Variants in SLC38A6 observed in about 807,000 individuals in gnomAD.
The protein encoded by SLC38A6 is solute carrier family 38 member 6, also known as N system amino acid transporter NAT-1.
A neutral mutation model predicts 65.0 loss-of-function variants in SLC38A6; 73 were observed. The observed-to-expected ratio is 1.12, with a 90% CI of 0.93 to 1.37. SLC38A6 has a LOEUF of 1.37. Ranked by LOEUF, SLC38A6 falls within the 40% of genes most tolerant of loss-of-function variation. The probability of loss-of-function intolerance (pLI) is 0.00; values close to 1 mark genes in which losing one functional copy is unlikely to be tolerated. For synonymous variants in SLC38A6, 183 were observed against 178.8 expected, an observed-to-expected ratio of 1.02 and a Z score of -0.19; for missense variants, 561 against 531.1, an observed-to-expected ratio of 1.06 and a Z score of -0.55.
At position 60,988,624 on chromosome 14, in the gene SLC38A6, T is replaced by G. The variant is rs539760245; in HGVS notation, c.310+3821T>G. Among the ~76,000 whole-genome samples the G allele has an allele frequency of 9.9e-4, 151 of 152,312 alleles. 2 individuals carry two copies. Among genetic ancestry groups the G allele is most frequent in the Non-Finnish European group, 1.7e-3 (113 of 68,034 alleles). On this transcript the variant is annotated intron_variant, in intron 3 of 15. Transcript: ENST00000267488. Reference sequence around the variant, plus strand: ...CCATCTGCCACCACCATCTCCTTTGTTTCTAACTCACCCTCTCAAGTACTT... The same window carrying G: ...CCATCTGCCACCACCATCTCCTTTGGTTCTAACTCACCCTCTCAAGTACTT...
intron 3 of SLC38A6, among the ~76,000 whole-genome samples, chr14:61,013,029 G>T (rs542088587): frequency 6.6e-6 from 1 of 152,142 alleles, no homozygotes; most frequent in African/African-American, 2.4e-5. Context: ...AAGTCTCTTT[G>T]TAGGTCTCTA....
intron 3 of SLC38A6, among the ~76,000 whole-genome samples, chr14:60,991,554 T>G (rs1336746533): frequency 2.0e-5 from 3 of 152,118 alleles, no homozygotes; most frequent in Non-Finnish European, 4.4e-5. Flanking sequence ...GGCTCTAAAA[T>G]TGTGCTCACT....
intron 5 of SLC38A6, among the ~76,000 whole-genome samples, chr14:61,026,106 T>TTAC (rs2040596322): frequency 2.0e-5 from 3 of 152,198 alleles, no homozygotes; most frequent in African/African-American, 4.8e-5. Flanking sequence ...CTTCATAAAC[T>TTAC]GTAATGATGT....
intron 15 of SLC38A6, among the ~76,000 whole-genome samples, chr14:61,065,508 A>G (rs1187660876): frequency 6.6e-6 from 1 of 152,202 alleles, no homozygotes; most frequent in Non-Finnish European, 1.5e-5. Flanking sequence ...ATTTACCTAC[A>G]TATAAAGCAT....
intron 5 of SLC38A6, among the ~76,000 whole-genome samples, chr14:61,028,580 A>G (rs1335923071): frequency 6.6e-6 from 1 of 152,180 alleles, no homozygotes; most frequent in Non-Finnish European, 1.5e-5. Flanking sequence ...GAGAATATGA[A>G]CAATACAGAA....
chr14:61,026,378 T>C (rs2040614048), intron 5 of SLC38A6, among the ~76,000 whole-genome samples: 1 of 152,004 alleles, frequency 6.6e-6, no homozygotes, highest in African/African-American at 2.4e-5. Context: ...TGCAATAGAA[T>C]CTCATCATGA....
intron 3 of SLC38A6, among the ~76,000 whole-genome samples, chr14:60,997,633 TA>T (rs1483052223): frequency 6.6e-6 from 1 of 152,120 alleles, no homozygotes; most frequent in African/African-American, 2.4e-5. Context: ...GCCGGGCTGT[TA>T]AAAAAGTCAG....
At chr14:61,067,574 A>T (rs1406009403) in intron 15 of SLC38A6, among the ~76,000 whole-genome samples, 1 of 152,206 alleles carries the variant, frequency 6.6e-6, no homozygotes, top group Non-Finnish European at 1.5e-5. Context: ...CAATGACATT[A>T]CACTTTTGGC....
At chr14:60,987,093 G>C in intron 3 of SLC38A6, 1 of 402,346 alleles carries the variant, frequency 2.5e-6, no homozygotes, top group Non-Finnish European at 4.9e-6. Flanking sequence ...GGTTCTGCCT[G>C]CACATTGACT....
chr14:60,989,511 G>A (rs1453627643), intron 3 of SLC38A6, among the ~76,000 whole-genome samples: 2 of 152,092 alleles, frequency 1.3e-5, no homozygotes, highest in Non-Finnish European at 2.9e-5. Context: ...ATCACTTGAA[G>A]TCAGGAGTTT....
At chr14:60,989,416 A>T (rs2037696076) in intron 3 of SLC38A6, among the ~76,000 whole-genome samples, 1 of 152,062 alleles carries the variant, frequency 6.6e-6, no homozygotes, top group Non-Finnish European at 1.5e-5. Flanking sequence ...TCATGACAGC[A>T]CTCCTTAAAA....
chr14:61,054,886 C>T (rs543471930), downstream of SLC38A6, among the ~76,000 whole-genome samples: 11 of 152,184 alleles, frequency 7.2e-5, no homozygotes, highest in South Asian at 2.1e-3. Context: ...GCTAGGATTT[C>T]CAATACTATG....
At chr14:61,078,756 ATTTATT>A (rs931166517) in intron 15 of SLC38A6, 1 of 170,296 alleles carries the variant, frequency 5.9e-6, no homozygotes, top group Non-Finnish European at 1.2e-5. Context: ...TATTTAATTT[ATTTATT>A]TTTATTTTTT....
intron 3 of SLC38A6, among the ~76,000 whole-genome samples, chr14:61,003,774 A>C (rs2038876649): frequency 6.6e-6 from 1 of 152,168 alleles, no homozygotes; most frequent in East Asian, 1.9e-4. Flanking sequence ...GCCATTACTC[A>C]TATTCATGTT....
chr14:61,040,198 ACTCT>A (rs922174055), intron 8 of SLC38A6, among the ~76,000 whole-genome samples: 2 of 151,630 alleles, frequency 1.3e-5, no homozygotes, highest in African/African-American at 4.9e-5. Context: ...ACAGAATCTC[ACTCT>A]CTCCAGTCAC....
intron 3 of SLC38A6, among the ~76,000 whole-genome samples, chr14:61,015,617 G>A (rs1280024955): frequency 6.6e-6 from 1 of 152,230 alleles, no homozygotes; most frequent in Non-Finnish European, 1.5e-5. Flanking sequence ...AAAGACATCT[G>A]AAAATCATAG....
chr14:60,988,788 C>G (rs1354682977), intron 3 of SLC38A6, among the ~76,000 whole-genome samples: 1 of 152,198 alleles, frequency 6.6e-6, no homozygotes, highest in Non-Finnish European at 1.5e-5. Context: ...AATCCCTTGC[C>G]TATCCCTTGA....
At chr14:61,023,925 A>G (rs2040478160) in intron 5 of SLC38A6, among the ~76,000 whole-genome samples, 1 of 152,144 alleles carries the variant, frequency 6.6e-6, no homozygotes, top group Non-Finnish European at 1.5e-5. Flanking sequence ...CATAGTATAC[A>G]TTTAGTAAAT....
rs113731514 is a variant in SLC38A6, at chr14:61,040,684, G to A, written c.625-2463G>A. On this transcript the variant is annotated intron_variant, in intron 8 of 15. Coordinates refer to ENST00000267488, the MANE Select transcript of SLC38A6 (RefSeq NM_153811.3). ...GTTGGTAGAGACAGAGTCCCATTAT[G>A]TTGCCCAGGCTAGCCTTGAACTCCT... Among the ~76,000 whole-genome samples the A allele has an allele frequency of 3.4e-3, 519 of 152,176 alleles. 5 individuals carry two copies. Among genetic ancestry groups the A allele is most frequent in the African/African-American group, 0.012 (495 of 41,512 alleles).
Sources: allele counts gnomAD v4.1 joint callset (sites outside exome capture counted in the v4.1 genomes callset), GRCh38; gene constraint gnomAD v4.1.1; transcripts MANE v1.5; gene names NCBI Gene and HGNC (gene_info 2026-07-23, HGNC 2026-07-21).